The following KANSL1 variants were observed in gnomAD, a reference collection of about 807,000 sequenced individuals.
KANSL1 encodes MLL1/MLL complex subunit KANSL1.
KANSL1 carries 22 observed loss-of-function variants against 103.6 expected under a neutral mutation model. The ratio of observed to expected loss-of-function variants is 0.21; its 90% CI spans 0.15 to 0.30. The LOEUF is 0.30. KANSL1 is among the 10% of genes least tolerant of loss of function. The pLI is 1.00. For missense variants in KANSL1, 1,337 were observed against 1,399.8 expected (o/e 0.96, Z 0.72); for synonymous variants, 600 against 527.6 (o/e 1.14, Z -1.88).
chr17:46,178,056 C>A (rs2046612135), intron 1 of KANSL1, among the ~76,000 whole-genome samples: 1 of 152,210 alleles, frequency 6.6e-6, no homozygotes, highest in Non-Finnish European at 1.5e-5. Flanking sequence ...GGATTACAGG[C>A]ATGAGCCACC....
rs1163517568 is a variant in KANSL1 at position 46,206,074 on chromosome 17, T to TGTG, written c.-90+17594_-90+17596dup. ...TGCAGCCTGGATGACAGAACAAGAC[T>TGTG]GTGTCCCCCAAAAAAAAAAAAAAAA... On this transcript the variant is annotated intron_variant, in intron 1 of 14. Coordinates refer to the KANSL1 transcript ENST00000572904. Among the ~76,000 whole-genome samples, 7 of 133,008 alleles carry TGTG rather than the reference T, an allele frequency of 5.3e-5. No homozygotes were observed. The South Asian group carries it at 1.1e-3, about 21-fold the overall frequency. The allele number at this position is 133,008 out of a possible 152,430, so 87.3% of individuals were successfully genotyped here. A position where few individuals can be genotyped will look rare whatever the true frequency, so the allele number is the denominator to read the frequency against.
upstream of KANSL1, among the ~76,000 whole-genome samples, chr17:46,195,312 TGAACTGTCA>T (rs1239798468): frequency 6.6e-6 from 1 of 152,262 alleles, no homozygotes; most frequent in Non-Finnish European, 1.5e-5. Context: ...TTTTTAAGAC[TGAACTGTCA>T]GATTTAATTA....
chr17:46,222,937 GCTTAGT>G (rs2048577582), intron 1 of KANSL1: 1 of 150,992 alleles, frequency 6.6e-6, no homozygotes, highest in African/African-American at 2.5e-5. Context: ...TCTGCCCTTT[GCTTAGT>G]CCTAATGGAG....
chr17:46,063,499 GGT>G, intron 6 of KANSL1, among the ~76,000 whole-genome samples: 1 of 152,244 alleles, frequency 6.6e-6, no homozygotes, highest in Non-Finnish European at 1.5e-5. Context: ...GAAGGAATGG[GGT>G]GTGTCTCTAA....
rs760224197 is a variant in KANSL1, at chr17:46,039,163, G to A, written c.2256C>T (p.Asp752=). The change falls in exon 9 of 15, where the codon GAC becomes GAT. Residue 752 remains aspartate, a synonymous_variant. Transcript: ENST00000432791. ...CCACCATGGGCACGGCCCCCACATC[G>A]TCTAAGTGCTGCCTGTGGGTCCTGT... ...RPDRTHRQHL[D]DVGAVPMVER... is the part of the protein sequence containing the mutation. 9.9e-6 allele frequency: 16 copies of A among 1,609,108 alleles called. No homozygotes were observed. The highest frequency in any genetic ancestry group is 8.6e-5 in the Admixed American group (5 of 58,418).
At chr17:46,096,613 C>T (rs186093110) in intron 2 of KANSL1, among the ~76,000 whole-genome samples, 1 of 151,914 alleles carries the variant, frequency 6.6e-6, no homozygotes, top group African/African-American at 2.4e-5. Flanking sequence ...AGCCACTGCA[C>T]CCAGCCCTGA....
At chr17:46,103,763 T>C (rs2042417110) in intron 2 of KANSL1, among the ~76,000 whole-genome samples, 1 of 152,216 alleles carries the variant, frequency 6.6e-6, no homozygotes. Context: ...TGCTGGCTCA[T>C]GCCTGTAATC....
upstream of KANSL1, chr17:46,193,557 G>GT (rs2047475919): frequency 1.3e-5 from 2 of 149,810 alleles, no homozygotes; most frequent in Admixed American, 6.7e-5. Context: ...CGCCCGCCGC[G>GT]CCGCCCCCGC....
intron 10 of KANSL1, 144 bp downstream of exon 10, chr17:46,038,394 G>A (rs1471181626): frequency 4.8e-6 from 4 of 841,984 alleles, no homozygotes; most frequent in Non-Finnish European, 7.3e-6. Flanking sequence ...AAATGGTACA[G>A]ACATACATAC....
At chr17:46,141,820 T>C (rs922688202) in intron 2 of KANSL1, among the ~76,000 whole-genome samples, 6 of 152,248 alleles carry the variant, frequency 3.9e-5, no homozygotes, top group African/African-American at 1.4e-4. Context: ...GAAAGAGGGT[T>C]AGAGAGGACT....
In KANSL1 at chr17:46,039,610, C is replaced by G. The variant is rs925963213; in HGVS notation, c.2203+92G>C. The G allele has an allele frequency of 2.8e-6, 4 of 1,416,658 alleles. No homozygotes were observed. In the African/African-American group the frequency reaches 4.3e-5, roughly 15 times the overall value. The allele number at this position is 1,416,658 out of a possible 1,614,324, so 87.8% of individuals were successfully genotyped here. A position where few individuals can be genotyped will look rare whatever the true frequency, so the allele number is the denominator to read the frequency against. ...TTATCGGTCAACTGCCTCTCCCAAC[C>G]CCAACATGCATGCAAACTACAAATT... On this transcript the variant is annotated intron_variant, in intron 8 of 14. Transcript: ENST00000432791.
intron 1 of KANSL1, among the ~76,000 whole-genome samples, chr17:46,190,873 G>C (rs918345009): frequency 6.6e-6 from 1 of 152,134 alleles, no homozygotes. Flanking sequence ...ATTCCCAAGG[G>C]ATGAGCATTT....
chr17:46,219,261 AAAGG>A (rs2048441279), intron 1 of KANSL1, among the ~76,000 whole-genome samples: 1 of 151,974 alleles, frequency 6.6e-6, no homozygotes, highest in Non-Finnish European at 1.5e-5. Flanking sequence ...AAAAAAAAAA[AAAGG>A]AAGAAGAATG....
At chr17:46,069,745 C>CCAAAA (rs775085677) in intron 4 of KANSL1, among the ~76,000 whole-genome samples, 7 of 151,524 alleles carry the variant, frequency 4.6e-5, no homozygotes, top group South Asian at 2.1e-4. Flanking sequence ...GAGACTGTCT[C>CCAAAA]CAAAACAAAA....
chr17:46,157,164 C>A (rs530738482), intron 2 of KANSL1, among the ~76,000 whole-genome samples: 1 of 152,372 alleles, frequency 6.6e-6, no homozygotes, highest in African/African-American at 2.4e-5. Flanking sequence ...ACACTTCTGA[C>A]TATCCTCAAT....
intron 2 of KANSL1, among the ~76,000 whole-genome samples, chr17:46,136,827 T>G (rs1024173521): frequency 6.6e-6 from 1 of 152,208 alleles, no homozygotes; most frequent in African/African-American, 2.4e-5. Context: ...CAAGAGCAAT[T>G]TAACTGCCAT....
intron 7 of KANSL1, chr17:46,042,311 T>A (rs1437209862): frequency 6.6e-6 from 1 of 152,208 alleles, no homozygotes; most frequent in Non-Finnish European, 1.5e-5. Context: ...GACGTCTAAA[T>A]TAACATTACT....
At chr17:46,064,064 A>C (rs1389055213) in intron 6 of KANSL1, among the ~76,000 whole-genome samples, 1 of 128,986 alleles carries the variant, frequency 7.8e-6, no homozygotes, top group Non-Finnish European at 1.8e-5. Context: ...AAAAAAAAAA[A>C]AAAAAAACAA....
intron 4 of KANSL1, among the ~76,000 whole-genome samples, chr17:46,080,484 C>T (rs1200344936): frequency 2.0e-5 from 3 of 151,310 alleles, no homozygotes; most frequent in Non-Finnish European, 4.4e-5. Flanking sequence ...AGTCACTTTC[C>T]TAAAATTTAA....
Sources: allele counts gnomAD v4.1 joint callset (sites outside exome capture counted in the v4.1 genomes callset), GRCh38; gene constraint gnomAD v4.1.1; transcripts MANE v1.5; gene names NCBI Gene and HGNC (gene_info 2026-07-23, HGNC 2026-07-21).